PCSK5: variants seen among roughly 807,000 people sequenced by gnomAD.
PCSK5 encodes prohormone convertase 5.
In PCSK5, 129 loss-of-function variants were observed where a neutral mutation model predicts 233.2. The observed-to-expected ratio is 0.55, with a 90% CI of 0.48 to 0.64. PCSK5 has a LOEUF of 0.64. PCSK5 is among the 30% of genes least tolerant of loss of function. PCSK5 has a pLI of 0.00. For synonymous variants in PCSK5, 825 were observed against 879.2 expected (o/e 0.94, Z 1.09); for missense variants, 2,076 against 2,430.1 (o/e 0.85, Z 3.06).
chr9:76,090,055 G>A (rs1335908506), intron 7 of PCSK5, among the ~76,000 whole-genome samples: 1 of 152,146 alleles, frequency 6.6e-6, no homozygotes, highest in African/African-American at 2.4e-5. Context: ...TTTTAATGGA[G>A]CACTCAATTA....
At position 76,249,351 on chromosome 9, in the gene PCSK5, G is replaced by A. The variant is rs144460275; in HGVS notation, c.3142+8667G>A. On this transcript the variant is annotated intron_variant, in intron 24 of 37. Transcript: ENST00000674117. ...ATCACAAGATAAATCAAGAATGTGG[G>A]GTATCTATAAGACAACTGGCCTGTA... Among the ~76,000 whole-genome samples the A allele has an allele frequency of 1.6e-4, 24 of 152,020 alleles. No homozygotes were observed. The South Asian group carries it at 4.6e-3, about 29-fold the overall frequency.
At chr9:76,331,070 C>G (rs1239679046) in intron 33 of PCSK5, among the ~76,000 whole-genome samples, 1 of 152,170 alleles carries the variant, frequency 6.6e-6, no homozygotes, top group Non-Finnish European at 1.5e-5. Flanking sequence ...GAGCTGTAGT[C>G]CCCCTGGGAA....
chr9:76,238,681 T>C (rs1826328789), intron 22 of PCSK5, among the ~76,000 whole-genome samples: 1 of 152,196 alleles, frequency 6.6e-6, no homozygotes, highest in South Asian at 2.1e-4. Context: ...TGAATTGTAG[T>C]TATTCACAGA....
intron 6 of PCSK5, among the ~76,000 whole-genome samples, chr9:76,068,457 T>A (rs530350467): frequency 6.6e-6 from 1 of 151,824 alleles, no homozygotes; most frequent in Non-Finnish European, 1.5e-5. Context: ...TTTGTTTTTG[T>A]TTTTTTTCCT....
At chr9:76,210,259 G>A (rs776678879) in intron 20 of PCSK5, among the ~76,000 whole-genome samples, 2 of 152,146 alleles carry the variant, frequency 1.3e-5, no homozygotes, top group Admixed American at 6.5e-5. Flanking sequence ...GGAGTTCAAC[G>A]TCGTGGAGAA....
intron 27 of PCSK5, among the ~76,000 whole-genome samples, chr9:76,298,460 T>G (rs1219805127): frequency 6.6e-6 from 1 of 152,166 alleles, no homozygotes; most frequent in Non-Finnish European, 1.5e-5. Context: ...TCCCATGACC[T>G]ATGAAATAAG....
chr9:76,269,703 A>G (rs1265572329), intron 24 of PCSK5, among the ~76,000 whole-genome samples: 2 of 152,250 alleles, frequency 1.3e-5, no homozygotes, highest in Non-Finnish European at 2.9e-5. Context: ...AGTATTCCAT[A>G]GAAGCCATCA....
At chr9:76,175,222 A>C (rs11999771) in intron 14 of PCSK5, 93 bp downstream of exon 14, 1 of 508,020 alleles carries the variant, frequency 2.0e-6, no homozygotes, top group Non-Finnish European at 3.5e-6. Context: ...GAATGGAATG[A>C]AATGGAATGG....
At chr9:75,950,248 T>G (rs533996703) in intron 2 of PCSK5, among the ~76,000 whole-genome samples, 1 of 151,880 alleles carries the variant, frequency 6.6e-6, no homozygotes, top group South Asian at 2.1e-4. Flanking sequence ...CTGAATTTAC[T>G]TTTTATATAA....
At chr9:76,131,566 A>G (rs1822761373) in intron 9 of PCSK5, among the ~76,000 whole-genome samples, 1 of 152,166 alleles carries the variant, frequency 6.6e-6, no homozygotes, top group African/African-American at 2.4e-5. Flanking sequence ...GCTACTCAGC[A>G]TGAAAACAAG....
rs114116040 is a variant in PCSK5 at position 76,152,711 on chromosome 9, A to G, written c.1313-4334A>G. On this transcript the variant is annotated intron_variant, in intron 10 of 37. Coordinates refer to ENST00000674117, the MANE Select transcript of PCSK5 (RefSeq NM_001372043.1). ...ACAGTCCACTAAAAGAGATGAACAT[A>G]TACCCAATTTTCCTGCTTACAGCTT... 3.3e-3 allele frequency among the ~76,000 whole-genome samples: 505 copies of G among 152,340 alleles called. 4 individuals are homozygous for G. The highest frequency in any genetic ancestry group is 0.012 in the African/African-American group (480 of 41,582).
chr9:76,196,556 C>T (rs1824712077), intron 20 of PCSK5, among the ~76,000 whole-genome samples: 1 of 152,144 alleles, frequency 6.6e-6, no homozygotes, highest in African/African-American at 2.4e-5. Flanking sequence ...TGTAAACCAG[C>T]CAAAGCCACA....
chr9:76,236,007 C>T (rs10781351), intron 22 of PCSK5, among the ~76,000 whole-genome samples: 62,331 of 151,952 alleles, frequency 0.41, 12,988 homozygotes, highest in African/African-American at 0.45. Context: ...AGATTGCATC[C>T]CTTGTTTAAT....
intron 5 of PCSK5, among the ~76,000 whole-genome samples, chr9:76,056,898 A>G (rs1257925314): frequency 6.6e-6 from 1 of 152,136 alleles, no homozygotes; most frequent in African/African-American, 2.4e-5. Flanking sequence ...TGATTTATAT[A>G]ATGGGTTGTC....
rs974099322 is a variant in PCSK5, at chr9:76,265,193, G to T, written c.3142+24509G>T. Among the ~76,000 whole-genome samples, 9 of 152,000 alleles carry T rather than the reference G, an allele frequency of 5.9e-5. No homozygotes were observed. The East Asian group carries it at 1.2e-3, about 20-fold the overall frequency. On this transcript the variant is annotated intron_variant, in intron 24 of 37. Coordinates refer to ENST00000674117, the MANE Select transcript of PCSK5 (RefSeq NM_001372043.1). The stretch of plus-strand genomic sequence containing the variant: ...TACTGCCTGTTCTCATTTATAAAAG[G>T]GAACTAAACATGGGGTACTCATGGA...
chr9:76,112,281 A>G (rs549512745), intron 9 of PCSK5, among the ~76,000 whole-genome samples: 1 of 152,330 alleles, frequency 6.6e-6, no homozygotes, highest in East Asian at 1.9e-4. Flanking sequence ...GGGTATTGGT[A>G]TAAAGAATCT....
chr9:76,341,135 A>G (rs1829823890), intron 35 of PCSK5, among the ~76,000 whole-genome samples: 1 of 151,944 alleles, frequency 6.6e-6, no homozygotes, highest in Admixed American at 6.6e-5. Context: ...TGAGGTGGGA[A>G]GATCACTTGG....
intron 24 of PCSK5, among the ~76,000 whole-genome samples, chr9:76,246,439 G>A (rs1267443463): frequency 1.3e-5 from 2 of 151,622 alleles, no homozygotes; most frequent in Non-Finnish European, 2.9e-5. Flanking sequence ...TATAGGCAAG[G>A]TTGTAGGAAA....
chr9:76,278,961 TG>T (rs1827778473), intron 24 of PCSK5, among the ~76,000 whole-genome samples: 1 of 152,028 alleles, frequency 6.6e-6, no homozygotes, highest in Non-Finnish European at 1.5e-5. Context: ...GTGCACATTG[TG>T]CAGGTTAGTT....
Sources: allele counts gnomAD v4.1 joint callset (sites outside exome capture counted in the v4.1 genomes callset), GRCh38; gene constraint gnomAD v4.1.1; transcripts MANE v1.5; gene names NCBI Gene and HGNC (gene_info 2026-07-23, HGNC 2026-07-21).